The following HIGD1C variants were observed in gnomAD, a reference collection of about 807,000 sequenced individuals.
HIGD1C encodes the protein HIG1 domain family member 1C.
In HIGD1C, 11 loss-of-function variants were observed where a neutral mutation model predicts 13.1. The ratio of observed to expected loss-of-function variants is 0.84; its 90% CI spans 0.53 to 1.39. The LOEUF (loss-of-function observed/expected upper bound fraction) is 1.39, where lower values mean the gene tolerates loss of function less well. Ranked by LOEUF, HIGD1C falls within the 40% of genes most tolerant of loss-of-function variation. HIGD1C has a pLI of 0.00. For synonymous variants in HIGD1C, 36 were observed against 37.7 expected (o/e 0.95, Z 0.17); for missense variants, 110 against 112.0 (o/e 0.98, Z 0.08).
At chr12:50,956,488 T>C (rs1939101268) in intron 1 of HIGD1C, among the ~76,000 whole-genome samples, 1 of 152,220 alleles carries the variant, frequency 6.6e-6, no homozygotes, top group Non-Finnish European at 1.5e-5. Flanking sequence ...GGATGGAGGG[T>C]CCTATGCAGG....
the HIGD1C span, among the ~76,000 whole-genome samples, chr12:50,942,551 A>AT: frequency 6.6e-6 from 1 of 152,292 alleles, no homozygotes; most frequent in African/African-American, 2.4e-5. Flanking sequence ...TTTCAGGTTA[A>AT]TTTTCAAAAT....
upstream of HIGD1C, among the ~76,000 whole-genome samples, chr12:50,953,624 C>T (rs1938979206): frequency 6.6e-6 from 1 of 152,172 alleles, no homozygotes; most frequent in Admixed American, 6.6e-5. Context: ...TAAAATGATA[C>T]TTTAAAAAGA....
the HIGD1C span, among the ~76,000 whole-genome samples, chr12:50,945,818 T>C: frequency 6.6e-6 from 1 of 152,170 alleles, no homozygotes; most frequent in African/African-American, 2.4e-5. Context: ...TCACACTACC[T>C]GACTTCAAAC....
At chr12:50,952,362 A>G (rs971073570), upstream of HIGD1C, among the ~76,000 whole-genome samples, 23 of 152,208 alleles carry the variant, frequency 1.5e-4, no homozygotes, top group African/African-American at 3.4e-4. Context: ...GGACTTTTCT[A>G]TAAGTCTGAA....
At chr12:50,961,389 G>A (rs1011131136) in intron 2 of HIGD1C, among the ~76,000 whole-genome samples, 3 of 152,096 alleles carry the variant, frequency 2.0e-5, no homozygotes, top group South Asian at 4.1e-4. Context: ...TAACTCAAGC[G>A]CAGCAGTTAT....
intron 1 of HIGD1C, 73 bp downstream of exon 3, chr12:50,954,165 T>C (rs1939001981): frequency 1.3e-5 from 11 of 871,320 alleles, no homozygotes; most frequent in Admixed American, 2.3e-5. Flanking sequence ...CCTTTGCGGA[T>C]TGAAATGTTT....
At chr12:50,952,377 T>C (rs1938927697), upstream of HIGD1C, among the ~76,000 whole-genome samples, 1 of 152,208 alleles carries the variant, frequency 6.6e-6, no homozygotes, top group African/African-American at 2.4e-5. Flanking sequence ...TCTGAAATTA[T>C]TTAAACATTA....
At chr12:50,952,540 G>A (rs1214431277), upstream of HIGD1C, among the ~76,000 whole-genome samples, 5 of 152,206 alleles carry the variant, frequency 3.3e-5, no homozygotes, top group South Asian at 2.1e-4. Flanking sequence ...CAAAGGCCAC[G>A]TCCACCACCG....
chr12:50,944,507 C>T, the HIGD1C span, among the ~76,000 whole-genome samples: 4 of 152,124 alleles, frequency 2.6e-5, no homozygotes, highest in Non-Finnish European at 4.4e-5. Context: ...ACCCAAAAAC[C>T]AAAATAACAC....
At chr12:50,939,151 GTATT>G in the HIGD1C span, among the ~76,000 whole-genome samples, 1 of 152,078 alleles carries the variant, frequency 6.6e-6, no homozygotes, top group African/African-American at 2.4e-5. Flanking sequence ...CAGTTTATTT[GTATT>G]TATTTATTTT....
downstream of HIGD1C, among the ~76,000 whole-genome samples, chr12:50,970,678 A>C (rs1028329402): frequency 3.3e-5 from 5 of 152,202 alleles, no homozygotes; most frequent in African/African-American, 4.8e-5. Flanking sequence ...CAACAATCAT[A>C]AACAGTCAAC....
chr12:50,972,214 T>A (rs1046604442), downstream of HIGD1C, among the ~76,000 whole-genome samples: 1 of 152,230 alleles, frequency 6.6e-6, no homozygotes, highest in Non-Finnish European at 1.5e-5. Flanking sequence ...TCTCAATATG[T>A]ACTCAGCACT....
chr12:50,932,798 C>A, the HIGD1C span, among the ~76,000 whole-genome samples: 1 of 152,156 alleles, frequency 6.6e-6, no homozygotes, highest in African/African-American at 2.4e-5. Context: ...AGAAAGGAAG[C>A]TTTTACTATT....
chr12:50,969,279 G>A (rs1939667852), intron 2 of HIGD1C, among the ~76,000 whole-genome samples: 1 of 151,292 alleles, frequency 6.6e-6, no homozygotes, highest in Admixed American at 6.6e-5. Flanking sequence ...GGGCAAGACA[G>A]AGAGACCCCA....
At chr12:50,940,722 CAAA>C in the HIGD1C span, among the ~76,000 whole-genome samples, 2 of 105,086 alleles carry the variant, frequency 1.9e-5, no homozygotes. Flanking sequence ...GACCCCATCT[CAAA>C]AAAAAAAAAA....
intron 1 of HIGD1C, among the ~76,000 whole-genome samples, chr12:50,956,523 G>C (rs11169631): frequency 0.016 from 2,370 of 152,230 alleles, 67 homozygotes; most frequent in African/African-American, 0.053. Context: ...TTTTTTGTTG[G>C]TTATCTTAAG....
At chr12:50,941,234 C>T in the HIGD1C span, among the ~76,000 whole-genome samples, 14 of 152,168 alleles carry the variant, frequency 9.2e-5, no homozygotes, top group East Asian at 1.9e-4. Flanking sequence ...GTGATTCCTC[C>T]GCCTCGATCT....
intron 2 of HIGD1C, among the ~76,000 whole-genome samples, chr12:50,962,555 C>T (rs1351738426): frequency 6.6e-6 from 1 of 150,560 alleles, no homozygotes; most frequent in Non-Finnish European, 1.5e-5. Flanking sequence ...CAAAAATTAG[C>T]CAGGTGTGGC....
rs1457296492 is a variant in HIGD1C, at chr12:50,970,429, C to T, written c.230-13C>T. The T allele has an allele frequency of 1.5e-6, 2 of 1,353,116 alleles. No individual in the cohort carries two copies. The highest frequency in any genetic ancestry group is 1.8e-4 in the Middle Eastern group (1 of 5,486). The allele number at this position is 1,353,116 out of a possible 1,614,324, so 83.8% of individuals were successfully genotyped here. A position where few individuals can be genotyped will look rare whatever the true frequency, so the allele number is the denominator to read the frequency against. On this transcript the variant is annotated splice_polypyrimidine_tract_variant and intron_variant, in intron 2 of 2. Coordinates refer to ENST00000398455, the Ensembl canonical transcript of HIGD1C. ...CATGGATACTCAATTGATATACATC[C>T]TTCTTTTTCTAGGTGTTCTCTATTC...
Sources: allele counts gnomAD v4.1 joint callset (sites outside exome capture counted in the v4.1 genomes callset), GRCh38; gene constraint gnomAD v4.1.1; transcripts MANE v1.5; gene names NCBI Gene and HGNC (gene_info 2026-07-23, HGNC 2026-07-21).